The following NUBPL variants were observed in gnomAD, a reference collection of about 807,000 sequenced individuals.
NUBPL encodes iron-sulfur cluster transfer protein NUBPL.
In NUBPL, 31 loss-of-function variants were observed where a neutral mutation model predicts 45.7. That is an observed-to-expected ratio of 0.68 (90% CI 0.51 to 0.92). NUBPL has a LOEUF of 0.92. NUBPL is among the 40% of genes least tolerant of loss of function. NUBPL has a pLI of 0.00. For missense variants in NUBPL, 401 were observed against 398.7 expected (o/e 1.01, Z -0.05); for synonymous variants, 144 against 140.9 (o/e 1.02, Z -0.15).
intron 6 of NUBPL, among the ~76,000 whole-genome samples, chr14:31,728,701 T>C (rs2037980480): frequency 6.6e-6 from 1 of 152,230 alleles, no homozygotes; most frequent in Non-Finnish European, 1.5e-5. Flanking sequence ...AATCTCATTA[T>C]AGCTGATACT....
chr14:31,787,841 A>C lies in NUBPL; in HGVS notation c.575A>C (p.Gln192Pro), dbSNP rs748591330. ...VDMPPGTGDV[Q>P]LSVSQNIPIT... ...ATGCCACCAGGAACTGGAGATGTGC[A>C]GTTATCAGTCTCACAGAATATTCCT... Residue 192 changes from glutamine (Q) to proline (P), a missense_variant, in exon 7 of 11, where the codon CAG becomes CCG. Transcript: ENST00000281081. The C allele has an allele frequency of 6.2e-7, 1 of 1,612,846 alleles. No individual in the cohort carries two copies. The highest frequency in any genetic ancestry group is 8.5e-7 in the Non-Finnish European group (1 of 1,178,898).
At chr14:31,662,299 CTTT>C (rs2036290821) in intron 4 of NUBPL, among the ~76,000 whole-genome samples, 1 of 54,512 alleles carries the variant, frequency 1.8e-5, no homozygotes, top group Non-Finnish European at 7.8e-5. Flanking sequence ...TTTTATTTTA[CTTT>C]ATTTTATTTT....
intron 6 of NUBPL, among the ~76,000 whole-genome samples, chr14:31,682,287 G>C (rs1038862280): frequency 6.6e-6 from 1 of 151,920 alleles, no homozygotes; most frequent in Non-Finnish European, 1.5e-5. Context: ...CTATATCTCT[G>C]GTAAATTCTT....
chr14:31,800,446 C>T (rs1327899271), intron 7 of NUBPL, among the ~76,000 whole-genome samples: 1 of 152,148 alleles, frequency 6.6e-6, no homozygotes, highest in African/African-American at 2.4e-5. Context: ...ATCACCATAA[C>T]AGATATAACC....
At chr14:31,674,359 G>A (rs2036642767) in intron 6 of NUBPL, among the ~76,000 whole-genome samples, 2 of 152,156 alleles carry the variant, frequency 1.3e-5, no homozygotes, top group South Asian at 4.1e-4. Flanking sequence ...CAATTAAGTA[G>A]ATGAAATCTG....
At chr14:31,843,806 G>T (rs1291004927) in intron 8 of NUBPL, 1 of 152,176 alleles carries the variant, frequency 6.6e-6, no homozygotes, top group African/African-American at 2.4e-5. Flanking sequence ...AGTACATCAA[G>T]TCCTCTCTGT....
intron 10 of NUBPL, among the ~76,000 whole-genome samples, chr14:31,850,983 A>G (rs1428296745): frequency 1.3e-5 from 2 of 152,168 alleles, no homozygotes; most frequent in Non-Finnish European, 2.9e-5. Flanking sequence ...TGAGGTGAAA[A>G]GACTAGTAGT....
chr14:31,726,472 T>A (rs1418457744), intron 6 of NUBPL, among the ~76,000 whole-genome samples: 1 of 152,256 alleles, frequency 6.6e-6, no homozygotes, highest in African/African-American at 2.4e-5. Context: ...TCAGTGGAAC[T>A]GTTTGCATGT....
chr14:31,638,655 G>A (rs2035583012), intron 4 of NUBPL, among the ~76,000 whole-genome samples: 1 of 152,164 alleles, frequency 6.6e-6, no homozygotes, highest in Admixed American at 6.5e-5. Context: ...GATTGGGGAA[G>A]TTCTCCAGGA....
intron 3 of NUBPL, among the ~76,000 whole-genome samples, chr14:31,568,764 A>G (rs2033504182): frequency 6.6e-6 from 1 of 152,198 alleles, no homozygotes; most frequent in African/African-American, 2.4e-5. Flanking sequence ...AAGATATTTC[A>G]TGGAGTGGCA....
intron 4 of NUBPL, among the ~76,000 whole-genome samples, chr14:31,645,885 C>T (rs572275966): frequency 1.4e-5 from 2 of 147,854 alleles, no homozygotes; most frequent in East Asian, 2.1e-4. Context: ...CTCTTTTAGA[C>T]GTCATGCTAA....
At chr14:31,730,835 G>GA (rs1316468432) in intron 6 of NUBPL, among the ~76,000 whole-genome samples, 1 of 152,098 alleles carries the variant, frequency 6.6e-6, no homozygotes, top group African/African-American at 2.4e-5. Flanking sequence ...AGAGACAAAA[G>GA]AAAGTTCTCT....
intron 4 of NUBPL, among the ~76,000 whole-genome samples, chr14:31,606,486 AAG>A (rs2034602686): frequency 1.3e-5 from 2 of 152,280 alleles, no homozygotes; most frequent in East Asian, 3.9e-4. Flanking sequence ...CCTTCCAGAG[AAG>A]AGATCTAGGG....
At chr14:31,694,164 T>C (rs2037162820) in intron 6 of NUBPL, among the ~76,000 whole-genome samples, 2 of 152,152 alleles carry the variant, frequency 1.3e-5, no homozygotes, top group South Asian at 2.1e-4. Flanking sequence ...CAACATGAGG[T>C]AGACTTTCTA....
At chr14:31,675,887 AT>A (rs1283656163) in intron 6 of NUBPL, among the ~76,000 whole-genome samples, 3 of 152,162 alleles carry the variant, frequency 2.0e-5, no homozygotes, top group Non-Finnish European at 4.4e-5. Context: ...ACTAAATAGC[AT>A]TTCCATCCTC....
At chr14:31,588,720 G>T (rs2034061881) in intron 3 of NUBPL, among the ~76,000 whole-genome samples, 1 of 151,800 alleles carries the variant, frequency 6.6e-6, no homozygotes, top group African/African-American at 2.4e-5. Context: ...TTCGAGACCA[G>T]CCTGGTCAGT....
intron 4 of NUBPL, among the ~76,000 whole-genome samples, chr14:31,637,043 C>T (rs1172717802): frequency 1.3e-5 from 2 of 152,062 alleles, no homozygotes; most frequent in Non-Finnish European, 2.9e-5. Context: ...GAAACCAGCT[C>T]CTGGATTCAT....
At chr14:31,815,018 G>T (rs1364349288) in intron 7 of NUBPL, among the ~76,000 whole-genome samples, 1 of 152,066 alleles carries the variant, frequency 6.6e-6, no homozygotes, top group African/African-American at 2.4e-5. Flanking sequence ...TTGGCTATAT[G>T]GGCTCTTTTT....
chr14:31,770,539 G>A (rs552864770), intron 6 of NUBPL, among the ~76,000 whole-genome samples: 62 of 152,200 alleles, frequency 4.1e-4, no homozygotes, highest in Non-Finnish European at 7.9e-4. Flanking sequence ...ATTTACAGGA[G>A]TAATTGAGGA....
Sources: gnomAD v4.1 joint callset for allele counts (sites outside exome capture counted in the v4.1 genomes callset) on GRCh38, gnomAD v4.1.1 for gene constraint, MANE v1.5 for transcripts, NCBI Gene and HGNC (gene_info 2026-07-23, HGNC 2026-07-21) for gene names.